The following NLRP5 variants were observed in gnomAD, a reference collection of about 807,000 sequenced individuals.
The protein encoded by NLRP5 is NACHT, LRR and PYD domains-containing protein 5.
Under a neutral mutation model 113.1 loss-of-function variants are expected in NLRP5, and 93 were observed. The ratio of observed to expected loss-of-function variants is 0.82; its 90% CI spans 0.70 to 0.98. The LOEUF is 0.98. Ranked by LOEUF, NLRP5 falls within the 50% of genes least tolerant of loss-of-function variation. NLRP5 has a pLI of 0.00. For missense variants in NLRP5, 1,808 were observed against 1,514.3 expected (o/e 1.19, Z -3.22); for synonymous variants, 751 against 600.7 (o/e 1.25, Z -3.66).
intron 4 of NLRP5, among the ~76,000 whole-genome samples, chr19:56,017,958 T>A (rs1286749241): frequency 6.6e-6 from 1 of 152,226 alleles, no homozygotes; most frequent in Non-Finnish European, 1.5e-5. Context: ...TATTTTTTAA[T>A]ATTTATTTTC....
At chr19:56,052,361 T>A (rs1314268801) in intron 12 of NLRP5, among the ~76,000 whole-genome samples, 1 of 152,170 alleles carries the variant, frequency 6.6e-6, no homozygotes, top group South Asian at 2.1e-4. Flanking sequence ...CTCCACCTCC[T>A]GGGTTCAAGC....
chr19:56,056,228 A>G (rs1245203474), intron 13 of NLRP5, among the ~76,000 whole-genome samples: 2 of 152,140 alleles, frequency 1.3e-5, no homozygotes, highest in African/African-American at 2.4e-5. Context: ...GAAGCCAACT[A>G]TGATCTGCAC....
intron 11 of NLRP5, among the ~76,000 whole-genome samples, chr19:56,043,680 C>G (rs1983609216): frequency 6.6e-6 from 1 of 150,868 alleles, no homozygotes; most frequent in African/African-American, 2.4e-5. Context: ...ATTCTCCTGC[C>G]TCAGCCTCTC....
chr19:55,995,649 G>T (rs946689879), upstream of NLRP5, among the ~76,000 whole-genome samples: 1 of 152,068 alleles, frequency 6.6e-6, no homozygotes, highest in Non-Finnish European at 1.5e-5. Context: ...TTTTGATAGG[G>T]ATTGCATTGA....
rs763660464 is a variant in NLRP5, at chr19:56,020,450, T to C, written c.679+19T>C. 2 of 1,611,162 alleles carry C rather than the reference T, an allele frequency of 1.2e-6. No homozygotes were observed. Among genetic ancestry groups the C allele is most frequent in the African/African-American group, 2.7e-5 (2 of 74,606 alleles). On this transcript the variant is annotated intron_variant, in intron 6 of 14. Coordinates refer to ENST00000390649, the MANE Select transcript of NLRP5 (RefSeq NM_153447.4). The stretch of plus-strand genomic sequence containing the variant: ...GAACAAGGTGAGGAAAATAGATGTA[T>C]TCCTTGGTTGCCCTCCTGGAAGAAA...
chr19:55,998,913 T>G (rs1981490078), upstream of NLRP5, among the ~76,000 whole-genome samples: 1 of 151,542 alleles, frequency 6.6e-6, no homozygotes, highest in Non-Finnish European at 1.5e-5. Flanking sequence ...TTACTTTTTG[T>G]GGTGAGGATG....
intron 4 of NLRP5, among the ~76,000 whole-genome samples, chr19:56,016,808 G>T (rs1301063624): frequency 6.6e-6 from 1 of 152,098 alleles, no homozygotes; most frequent in African/African-American, 2.4e-5. Flanking sequence ...AACCCATTGT[G>T]TATATACACC....
chr19:56,006,975 G>C (rs1448746956), intron 2 of NLRP5, among the ~76,000 whole-genome samples: 1 of 151,084 alleles, frequency 6.6e-6, no homozygotes, highest in Non-Finnish European at 1.5e-5. Context: ...TCCCGACCTT[G>C]TGATCCACCC....
intron 11 of NLRP5, among the ~76,000 whole-genome samples, chr19:56,046,707 AT>A (rs575082603): frequency 1.1e-4 from 16 of 149,550 alleles, no homozygotes; most frequent in Non-Finnish European, 1.3e-4. Context: ...CGGCCGGCTA[AT>A]TTTTTTTTTG....
chr19:55,990,082 T>TTC, the NLRP5 span, among the ~76,000 whole-genome samples: 5 of 21,034 alleles, frequency 2.4e-4, no homozygotes, highest in African/African-American at 1.3e-3. Context: ...CTTTTTTCTT[T>TTC]TTTTTTTTTT....
intron 13 of NLRP5, among the ~76,000 whole-genome samples, chr19:56,056,490 G>A (rs1984156837): frequency 1.3e-5 from 2 of 152,156 alleles, no homozygotes; most frequent in East Asian, 1.9e-4. Context: ...CTGGGAGGCG[G>A]AGGTTGCAGT....
In NLRP5 at chr19:56,038,134, C is replaced by T. The variant is rs758098913; in HGVS notation, c.2725C>T (p.Gln909Ter). 6.2e-7 allele frequency: 1 copy of T among 1,613,940 alleles called. No individual in the cohort carries two copies. Among genetic ancestry groups the T allele is most frequent in the South Asian group, 1.1e-5 (1 of 91,082 alleles). ...CCTGGCAGGAAACAAGGTGACAGAC[C>T]AGGGAGTAATGCCTCTCAGTGATGC... The change falls in exon 10 of 15, where the codon CAG becomes TAG. Residue 909 changes from glutamine to a stop codon, truncating the protein, a stop_gained. Coordinates refer to ENST00000390649, the MANE Select transcript of NLRP5 (RefSeq NM_153447.4). LOFTEE classifies it high-confidence loss of function.
the NLRP5 span, among the ~76,000 whole-genome samples, chr19:55,990,826 A>G: frequency 9.9e-5 from 15 of 152,220 alleles, no homozygotes; most frequent in African/African-American, 3.1e-4. Flanking sequence ...CTCTGTCTCA[A>G]AAAGAAAAAA....
chr19:55,987,062 AT>A, the NLRP5 span, among the ~76,000 whole-genome samples: 1 of 152,214 alleles, frequency 6.6e-6, no homozygotes, highest in African/African-American at 2.4e-5. Context: ...CTTTTCAGAC[AT>A]TCGGTCTAAA....
chr19:56,046,697 C>T lies in NLRP5; in HGVS notation c.2958-3721C>T, dbSNP rs570519846. On this transcript the variant is annotated intron_variant, in intron 11 of 14. Coordinates refer to ENST00000390649, the MANE Select transcript of NLRP5 (RefSeq NM_153447.4). ...CTGGGACTACAGGCGCCCGCCACTG[C>T]GGCCGGCTAATTTTTTTTTTGTATT... Among the ~76,000 whole-genome samples, 980 of 151,424 alleles carry T rather than the reference C, an allele frequency of 6.5e-3. 7 individuals are homozygous for T. The highest frequency in any genetic ancestry group is 0.022 in the African/African-American group (920 of 41,104).
rs370428566 is a variant in NLRP5 at position 56,021,843 on chromosome 19, C to G, written c.679+1412C>G. 1.4e-4 allele frequency among the ~76,000 whole-genome samples: 22 copies of G among 152,114 alleles called. No individual in the cohort carries two copies. In the East Asian group the frequency reaches 2.9e-3, roughly 20 times the overall value. On this transcript the variant is annotated intron_variant, in intron 6 of 14. Coordinates refer to ENST00000390649, the MANE Select transcript of NLRP5 (RefSeq NM_153447.4). ...AGCATGAGATATTGAAGATATAAAG[C>G]TAACTGGAATTGGTGATTGGCAGAG...
intron 6 of NLRP5, among the ~76,000 whole-genome samples, chr19:56,026,043 C>T (rs540926291): frequency 1.1e-4 from 17 of 151,970 alleles, no homozygotes; most frequent in Non-Finnish European, 2.4e-4. Context: ...AAAGGGACAT[C>T]GGGTTGAACA....
At chr19:56,047,684 T>G (rs184204271) in intron 11 of NLRP5, among the ~76,000 whole-genome samples, 1 of 152,336 alleles carries the variant, frequency 6.6e-6, no homozygotes, top group Admixed American at 6.5e-5. Context: ...CACTGTTGAT[T>G]AGAATGTGTA....
At chr19:56,015,846 G>A (rs754596843) in intron 4 of NLRP5, 48 bp downstream of exon 4, 3 of 1,448,842 alleles carry the variant, frequency 2.1e-6, no homozygotes, top group African/African-American at 2.8e-5. Context: ...GAAGAAAGTT[G>A]GGTGAGAGAA....
Sources: gnomAD v4.1 joint callset for allele counts (sites outside exome capture counted in the v4.1 genomes callset) on GRCh38, gnomAD v4.1.1 for gene constraint, MANE v1.5 for transcripts, NCBI Gene and HGNC (gene_info 2026-07-23, HGNC 2026-07-21) for gene names.